Variants in DOCK2 observed in about 807,000 individuals in gnomAD.
DOCK2 encodes dedicator of cytokinesis 2, also known as dedicator of cytokinesis protein 2.
DOCK2 carries 87 observed loss-of-function variants against 248.9 expected under a neutral mutation model. The ratio of observed to expected loss-of-function variants is 0.35; its 90% CI spans 0.29 to 0.42. The LOEUF is 0.42. Ranked by LOEUF, DOCK2 falls within the 10% of genes least tolerant of loss-of-function variation. The pLI, the probability that DOCK2 is intolerant of heterozygous loss-of-function variation, is 1.00. For synonymous variants in DOCK2, 805 were observed against 821.6 expected (o/e 0.98, Z 0.35); for missense variants, 1,747 against 2,300.2 (o/e 0.76, Z 4.92).
chr5:169,929,168 G>A (rs1775621996), intron 27 of DOCK2, among the ~76,000 whole-genome samples: 1 of 152,150 alleles, frequency 6.6e-6, no homozygotes, highest in African/African-American at 2.4e-5. Flanking sequence ...GGCATAGCAG[G>A]GGGTTAAAGG....
At chr5:169,840,099 G>A (rs909358210) in intron 26 of DOCK2, among the ~76,000 whole-genome samples, 7 of 152,272 alleles carry the variant, frequency 4.6e-5, no homozygotes, top group African/African-American at 1.7e-4. Context: ...GATTCCACAG[G>A]CTGTACAGGA....
intron 27 of DOCK2, among the ~76,000 whole-genome samples, chr5:169,972,236 C>T (rs1316779400): frequency 6.6e-6 from 1 of 152,166 alleles, no homozygotes; most frequent in African/African-American, 2.4e-5. Flanking sequence ...ATAGATTGTT[C>T]CTGCTTATTA....
chr5:170,040,295 C>T (rs777416405), intron 36 of DOCK2, among the ~76,000 whole-genome samples: 18 of 152,166 alleles, frequency 1.2e-4, no homozygotes, highest in Non-Finnish European at 2.4e-4. Flanking sequence ...TTTTCCAAAG[C>T]GCCCTTCCTT....
At chr5:170,045,463 G>A (rs551071482) in intron 38 of DOCK2, among the ~76,000 whole-genome samples, 13 of 152,294 alleles carry the variant, frequency 8.5e-5, no homozygotes, top group African/African-American at 2.9e-4. Context: ...TTAGTGAGGC[G>A]TTTTGACCCG....
intron 27 of DOCK2, among the ~76,000 whole-genome samples, chr5:169,893,719 A>C (rs1275424873): frequency 6.6e-6 from 1 of 152,206 alleles, no homozygotes; most frequent in African/African-American, 2.4e-5. Context: ...AGGAAGCCAG[A>C]CAGACAATGA....
At chr5:170,006,902 C>T (rs1755051371) in intron 30 of DOCK2, among the ~76,000 whole-genome samples, 1 of 152,174 alleles carries the variant, frequency 6.6e-6, no homozygotes, top group African/African-American at 2.4e-5. Context: ...GCTGTGTATA[C>T]ATCAAGATGA....
At chr5:170,016,450 G>A (rs571439948) in intron 32 of DOCK2, among the ~76,000 whole-genome samples, 3 of 152,292 alleles carry the variant, frequency 2.0e-5, no homozygotes, top group Admixed American at 6.5e-5. Flanking sequence ...AAAATCCAAT[G>A]TGCTGAAATT....
At chr5:169,661,040 CT>C (rs1758420818) in intron 2 of DOCK2, among the ~76,000 whole-genome samples, 1 of 152,016 alleles carries the variant, frequency 6.6e-6, no homozygotes, top group Non-Finnish European at 1.5e-5. Flanking sequence ...CCAACTTTCT[CT>C]GCATTATTAT....
chr5:169,790,195 A>G (rs1210770571), intron 25 of DOCK2, among the ~76,000 whole-genome samples: 1 of 152,228 alleles, frequency 6.6e-6, no homozygotes, highest in Non-Finnish European at 1.5e-5. Flanking sequence ...AAATGTAAAC[A>G]AGAGGCTTTT....
intron 44 of DOCK2, among the ~76,000 whole-genome samples, chr5:170,066,777 A>G (rs1362980647): frequency 1.3e-5 from 2 of 152,200 alleles, no homozygotes; most frequent in African/African-American, 2.4e-5. Flanking sequence ...TGGAACAGCC[A>G]TTCTCATTCA....
chr5:169,943,112 A>C (rs1421871328), intron 27 of DOCK2, among the ~76,000 whole-genome samples: 2 of 152,202 alleles, frequency 1.3e-5, no homozygotes, highest in Non-Finnish European at 2.9e-5. Context: ...TTCAATGGAA[A>C]TATCATTGAG....
intron 27 of DOCK2, among the ~76,000 whole-genome samples, chr5:169,937,044 G>A (rs1776030663): frequency 6.6e-6 from 1 of 152,212 alleles, no homozygotes; most frequent in Non-Finnish European, 1.5e-5. Flanking sequence ...TGAGGAGGGA[G>A]GGGCTGACCA....
rs1320378042 is a variant in DOCK2, at chr5:169,943,991, G to A, written c.2800-39077G>A. ...GTAAAGTGGTAAGAGTGGGCTAATAGCATGGTGTGACTCTATAATTCTCCA... is the reference window on the plus strand; with the variant it reads ...GTAAAGTGGTAAGAGTGGGCTAATAACATGGTGTGACTCTATAATTCTCCA... On this transcript the variant is annotated intron_variant, in intron 27 of 51. Coordinates refer to ENST00000520908, the MANE Select transcript of DOCK2 (RefSeq NM_004946.3). Among the ~76,000 whole-genome samples, 4 of 152,216 alleles carry A rather than the reference G, an allele frequency of 2.6e-5. No homozygotes were observed. The South Asian group carries it at 6.2e-4, about 24-fold the overall frequency.
At chr5:170,006,281 G>A (rs1399901127) in intron 30 of DOCK2, among the ~76,000 whole-genome samples, 1 of 152,192 alleles carries the variant, frequency 6.6e-6, no homozygotes, top group African/African-American at 2.4e-5. Flanking sequence ...AACTTTGGAG[G>A]ACTTTGAGGA....
chr5:169,861,969 G>C (rs1771228160), intron 27 of DOCK2, among the ~76,000 whole-genome samples: 1 of 150,134 alleles, frequency 6.7e-6, no homozygotes, highest in Non-Finnish European at 1.5e-5. Context: ...TGCAGAAAAT[G>C]TCAACATTTT....
chr5:169,797,923 G>A (rs1174418298), intron 25 of DOCK2, among the ~76,000 whole-genome samples: 1 of 152,182 alleles, frequency 6.6e-6, no homozygotes, highest in African/African-American at 2.4e-5. Flanking sequence ...ACAAACAGGA[G>A]CCAGACATTT....
chr5:169,986,175 A>G (rs1778064347), intron 29 of DOCK2, among the ~76,000 whole-genome samples: 1 of 152,152 alleles, frequency 6.6e-6, no homozygotes, highest in Non-Finnish European at 1.5e-5. Flanking sequence ...CCTTTCGTTC[A>G]CTCTTGGGAC....
chr5:169,715,923 G>T (rs765013642), intron 19 of DOCK2, among the ~76,000 whole-genome samples: 12 of 152,172 alleles, frequency 7.9e-5, no homozygotes, highest in Non-Finnish European at 1.5e-5. Context: ...TATAATGCTT[G>T]TGAGAATCAT....
chr5:169,905,175 G>T (rs904381660), intron 27 of DOCK2, among the ~76,000 whole-genome samples: 1 of 152,282 alleles, frequency 6.6e-6, no homozygotes, highest in African/African-American at 2.4e-5. Context: ...GACACAAGTG[G>T]GTGAAGCCAG....
Sources: allele counts gnomAD v4.1 joint callset (sites outside exome capture counted in the v4.1 genomes callset), GRCh38; gene constraint gnomAD v4.1.1; transcripts MANE v1.5; gene names NCBI Gene and HGNC (gene_info 2026-07-23, HGNC 2026-07-21).